Variants in COL27A1 observed in about 807,000 individuals in gnomAD.
COL27A1 encodes collagen type XXVII alpha 1 chain.
COL27A1 carries 106 observed loss-of-function variants against 251.3 expected under a neutral mutation model. That is an observed-to-expected ratio of 0.42 (90% CI 0.36 to 0.50). COL27A1 has a LOEUF of 0.50. Among genes scored for constraint, COL27A1 ranks in the 20% least tolerant of loss-of-function variants. COL27A1 has a pLI of 0.00. For synonymous variants in COL27A1, 1,000 were observed against 986.3 expected (o/e 1.01, Z -0.26); for missense variants, 2,325 against 2,522.8 (o/e 0.92, Z 1.68).
chr9:114,167,576 C>A, intron 2 of COL27A1, 113 bp from the exon 3 acceptor site: 1 of 853,210 alleles, frequency 1.2e-6, no homozygotes, highest in Non-Finnish European at 1.9e-6. Context: ...GAACAAAGGA[C>A]CAGGTAGCTG....
At chr9:114,307,864 C>A in intron 59 of COL27A1, 86 bp downstream of exon 59, 1 of 895,702 alleles carries the variant, frequency 1.1e-6, no homozygotes, top group Non-Finnish European at 1.8e-6. Context: ...AGGTTCTGTT[C>A]TGAGCTGTGC....
Position 114,282,499 on chromosome 9 carries a change from C to T in COL27A1, c.3814C>T (p.Pro1272Ser), listed in dbSNP as rs140187131. 34 of 1,584,162 alleles carry T rather than the reference C, an allele frequency of 2.1e-5. No homozygotes were observed. The African/African-American group carries it at 3.6e-4, about 17-fold the overall frequency. ...AGGACAGCTGGGTGAGATGGGCGTCCCTGGAGACCCTGGACCCCCTGGCAC... is the reference window on the plus strand; with the variant it reads ...AGGACAGCTGGGTGAGATGGGCGTCTCTGGAGACCCTGGACCCCCTGGCAC... ...YQGQLGEMGV[P>S]GDPGPPGTPG... Residue 1272 changes from proline (P) to serine (S), a missense_variant, in exon 39 of 61, where the codon CCT becomes TCT. By Grantham distance (74) the Pro-to-Ser change is moderately conservative. Coordinates refer to ENST00000356083, the MANE Select transcript of COL27A1 (RefSeq NM_032888.4).
At chr9:114,169,648 A>G (rs1213918151) in intron 3 of COL27A1, among the ~76,000 whole-genome samples, 185 bp downstream of exon 3, 1 of 152,164 alleles carries the variant, frequency 6.6e-6, no homozygotes, top group Non-Finnish European at 1.5e-5. Context: ...ATCATTGCCC[A>G]CCCTGCTCCA....
At chr9:114,176,611 AGAG>A (rs1312819591) in intron 3 of COL27A1, among the ~76,000 whole-genome samples, 3 of 151,946 alleles carry the variant, frequency 2.0e-5, no homozygotes, top group Non-Finnish European at 2.9e-5. Flanking sequence ...AGACAGCTGG[AGAG>A]GAGAAGTGGG....
chr9:114,243,173 A>G (rs917900723), intron 22 of COL27A1, among the ~76,000 whole-genome samples: 3 of 152,230 alleles, frequency 2.0e-5, no homozygotes, highest in Non-Finnish European at 2.9e-5. Context: ...TTTGAGGACC[A>G]CTTGCATAAA....
At position 114,168,638 on chromosome 9, in the gene COL27A1, C is replaced by A; in HGVS notation, c.1083C>A (p.Ala361=). 3 of 1,614,200 alleles carry A rather than the reference C, an allele frequency of 1.9e-6. No individual in the cohort carries two copies. The East Asian group carries it at 6.7e-5, about 36-fold the overall frequency. Residue 361 remains alanine, a synonymous_variant, in exon 3 of 61, where the codon GCC becomes GCA. Transcript: ENST00000356083. The part of the protein sequence containing the change: ...AAAQPSQKIT[A]TKIPKSLPTK... ...CTCAACCATCACAGAAGATCACAGC[C>A]ACCAAAATCCCCAAAAGCCTCCCTA...
intron 2 of COL27A1, 86 bp from the exon 3 acceptor site, chr9:114,167,603 A>C: frequency 8.8e-7 from 1 of 1,138,308 alleles, no homozygotes; most frequent in Non-Finnish European, 1.3e-6. Flanking sequence ...GACGGTCCAC[A>C]TTGCCTGTGC....
At chr9:114,163,807 C>G (rs1050720178) in intron 2 of COL27A1, among the ~76,000 whole-genome samples, 2 of 151,738 alleles carry the variant, frequency 1.3e-5, no homozygotes, top group African/African-American at 4.8e-5. Flanking sequence ...TGCTGTTTCC[C>G]CCACAAAGTA....
intron 5 of COL27A1, among the ~76,000 whole-genome samples, chr9:114,186,824 GC>G (rs67751184): frequency 0.098 from 14,872 of 152,300 alleles, 830 homozygotes; most frequent in African/African-American, 0.16. Context: ...GGCTGGAGCT[GC>G]CCCTGGGGCA....
At chr9:114,192,661 G>C (rs1828824514) in intron 5 of COL27A1, among the ~76,000 whole-genome samples, 1 of 152,212 alleles carries the variant, frequency 6.6e-6, no homozygotes, top group African/African-American at 2.4e-5. Flanking sequence ...GCCAGCCCAG[G>C]CTGGGACTTG....
At chr9:114,269,210 C>G in intron 34 of COL27A1, 31 bp from the exon 35 acceptor site, 2 of 1,554,670 alleles carry the variant, frequency 1.3e-6, no homozygotes, top group Non-Finnish European at 1.8e-6. Context: ...GCCCTACCCA[C>G]CCGCAAGGAC....
At chr9:114,245,980 C>A in intron 24 of COL27A1, 70 bp downstream of exon 24, 3 of 1,372,020 alleles carry the variant, frequency 2.2e-6, no homozygotes, top group South Asian at 1.2e-5. Context: ...AAGCCCTTTG[C>A]CCAGCACCCT....
At chr9:114,236,872 C>T (rs2135459070) in intron 17 of COL27A1, 109 bp from the exon 18 acceptor site, 2 of 976,348 alleles carry the variant, frequency 2.0e-6, no homozygotes, top group East Asian at 5.1e-5. Flanking sequence ...GCTCATCTTC[C>T]TCCAAGGCGG....
intron 12 of COL27A1, among the ~76,000 whole-genome samples, chr9:114,213,932 T>G (rs1830536060): frequency 6.6e-6 from 1 of 152,152 alleles, no homozygotes; most frequent in African/African-American, 2.4e-5. Context: ...GTGTCAGATG[T>G]GGGTGGAGGG....
chr9:114,189,401 A>G (rs1828599944), intron 5 of COL27A1, among the ~76,000 whole-genome samples: 1 of 152,218 alleles, frequency 6.6e-6, no homozygotes, highest in Non-Finnish European at 1.5e-5. Context: ...CTAGTAAAAT[A>G]CCAATTATAT....
intron 41 of COL27A1, among the ~76,000 whole-genome samples, chr9:114,287,669 C>A (rs1366331570): frequency 2.0e-5 from 3 of 152,138 alleles, no homozygotes; most frequent in Non-Finnish European, 4.4e-5. Flanking sequence ...TGAACAGCAC[C>A]GGGAGGCGCT....
chr9:114,273,305 A>G (rs1177934060), intron 36 of COL27A1: 2 of 152,266 alleles, frequency 1.3e-5, no homozygotes, highest in African/African-American at 4.8e-5. Context: ...CTGTGCTTAG[A>G]AGCTGAGGCT....
chr9:114,282,264 C>T lies in COL27A1; in HGVS notation c.3718-13C>T, dbSNP rs1474185014. ...CTCATCTTTCTCTTGCTCTGTCCCT[C>T]CTCTCTCTTCAGGGTCCTGAAGGAA... On this transcript the variant is annotated splice_polypyrimidine_tract_variant and intron_variant, in intron 37 of 60. Transcript: ENST00000356083. 4 of 1,611,504 alleles carry T rather than the reference C, an allele frequency of 2.5e-6. No individual in the cohort carries two copies. Among genetic ancestry groups the T allele is most frequent in the East Asian group, 2.2e-5 (1 of 44,884 alleles).
Position 114,155,828 on chromosome 9 carries a change from G to C in COL27A1, c.-123G>C, listed in dbSNP as rs1848082738. 2 of 810,946 alleles carry C rather than the reference G, an allele frequency of 2.5e-6. No individual in the cohort carries two copies. Among genetic ancestry groups the C allele is most frequent in the Middle Eastern group, 6.3e-4 (1 of 1,592 alleles). The allele number at this position is 810,946 out of a possible 1,614,324, so 50.2% of individuals were successfully genotyped here. ...CGGGCGCCCCTGGGCGCGGGGCTGC[G>C]CTGGGGGCGCGGGGGCCGCGCGCTC... On this transcript the variant is annotated 5_prime_UTR_variant, in exon 1 of 61. Transcript: ENST00000356083. The surrounding 1 kb of genome is among the most constrained non-coding windows in gnomAD (Gnocchi z 5.5).
Sources: allele counts gnomAD v4.1 joint callset (sites outside exome capture counted in the v4.1 genomes callset), GRCh38; gene constraint gnomAD v4.1.1; non-coding constraint Gnocchi (gnomAD v3.1); transcripts MANE v1.5; gene names NCBI Gene and HGNC (gene_info 2026-07-23, HGNC 2026-07-21).